The following PRR16 variants were observed in gnomAD, a reference collection of about 807,000 sequenced individuals.
The protein encoded by PRR16 is proline rich 16.
In PRR16, 6 loss-of-function variants were observed where a neutral mutation model predicts 18.2. The ratio of observed to expected loss-of-function variants is 0.33; its 90% CI spans 0.18 to 0.65. PRR16 has a LOEUF of 0.65. Ranked by LOEUF, PRR16 falls within the 30% of genes least tolerant of loss-of-function variation. PRR16 has a pLI of 0.74. For synonymous variants in PRR16, 151 were observed against 147.8 expected, an observed-to-expected ratio of 1.02 and a Z score of -0.16; for missense variants, 412 against 376.6, an observed-to-expected ratio of 1.09 and a Z score of -0.78.
chr5:120,486,247 C>G (rs955768490), intron 1 of PRR16, among the ~76,000 whole-genome samples: 1 of 152,190 alleles, frequency 6.6e-6, no homozygotes, highest in African/African-American at 2.4e-5. Context: ...AGTGGTTGAA[C>G]TAGTTTACAG....
chr5:120,725,260 T>C, the PRR16 span, among the ~76,000 whole-genome samples: 1 of 151,578 alleles, frequency 6.6e-6, no homozygotes, highest in African/African-American at 2.4e-5. Context: ...TTAAGTCTCA[T>C]ATTCAGGACT....
At chr5:120,562,209 C>G (rs1010127067) in intron 1 of PRR16, among the ~76,000 whole-genome samples, 1 of 152,016 alleles carries the variant, frequency 6.6e-6, no homozygotes, top group Non-Finnish European at 1.5e-5. Context: ...GTTGCTGGAT[C>G]AATCCCTTTA....
intron 1 of PRR16, among the ~76,000 whole-genome samples, chr5:120,489,476 C>T (rs1243321997): frequency 1.3e-5 from 2 of 152,142 alleles, no homozygotes; most frequent in African/African-American, 4.8e-5. Context: ...GATTGCAGCC[C>T]CTGCCTTTTT....
At chr5:120,495,325 C>T (rs899420388) in intron 1 of PRR16, among the ~76,000 whole-genome samples, 1 of 151,950 alleles carries the variant, frequency 6.6e-6, no homozygotes, top group African/African-American at 2.4e-5. Context: ...ATTGTAAATA[C>T]ATTAGTCTCT....
chr5:120,688,263 C>T (rs1266687493), downstream of PRR16, among the ~76,000 whole-genome samples: 12 of 152,070 alleles, frequency 7.9e-5, no homozygotes, highest in African/African-American at 2.9e-4. Context: ...TTTGAAGGAA[C>T]AATCAAATGA....
chr5:120,767,921 A>G, the PRR16 span, among the ~76,000 whole-genome samples: 1 of 151,860 alleles, frequency 6.6e-6, no homozygotes, highest in Admixed American at 6.6e-5. Flanking sequence ...TATCAATTAT[A>G]TCACAATAAA....
chr5:120,765,362 T>C, the PRR16 span, among the ~76,000 whole-genome samples: 4 of 152,012 alleles, frequency 2.6e-5, no homozygotes, highest in Admixed American at 2.6e-4. Flanking sequence ...CGTGTATAAA[T>C]AACAGTTGTT....
At chr5:120,668,827 G>A (rs1287862952) in intron 1 of PRR16, among the ~76,000 whole-genome samples, 1 of 152,152 alleles carries the variant, frequency 6.6e-6, no homozygotes, top group Non-Finnish European at 1.5e-5. Context: ...GAGATCAGCT[G>A]TTAGTCTGAT....
intron 1 of PRR16, among the ~76,000 whole-genome samples, chr5:120,631,142 A>G (rs898522916): frequency 6.6e-6 from 1 of 152,228 alleles, no homozygotes; most frequent in African/African-American, 2.4e-5. Flanking sequence ...TAAAATAGAG[A>G]CATCCTTATC....
chr5:120,726,693 T>TA, the PRR16 span, among the ~76,000 whole-genome samples: 1 of 152,134 alleles, frequency 6.6e-6, no homozygotes, highest in African/African-American at 2.4e-5. Context: ...CTTTTGGTTT[T>TA]ACTCATTTGG....
At chr5:120,526,566 G>A (rs1358704284) in intron 1 of PRR16, among the ~76,000 whole-genome samples, 1 of 151,974 alleles carries the variant, frequency 6.6e-6, no homozygotes, top group Non-Finnish European at 1.5e-5. Flanking sequence ...CCCTGGGTAC[G>A]GAACATAATT....
intron 1 of PRR16, among the ~76,000 whole-genome samples, chr5:120,557,573 C>G (rs997563790): frequency 2.0e-5 from 3 of 151,764 alleles, no homozygotes; most frequent in Admixed American, 6.6e-5. Flanking sequence ...ATAATTCACC[C>G]TGTCATTAGT....
chr5:120,622,317 A>G (rs1754717366), intron 1 of PRR16, among the ~76,000 whole-genome samples: 1 of 152,088 alleles, frequency 6.6e-6, no homozygotes, highest in African/African-American at 2.4e-5. Context: ...TTCTATCTTT[A>G]GAAACTTTAA....
At chr5:120,697,111 T>C in the PRR16 span, among the ~76,000 whole-genome samples, 1 of 152,216 alleles carries the variant, frequency 6.6e-6, no homozygotes, top group Non-Finnish European at 1.5e-5. Context: ...TTCTCTACTT[T>C]GAGTGACTTT....
intron 1 of PRR16, among the ~76,000 whole-genome samples, chr5:120,628,423 G>T (rs1399527013): frequency 6.6e-6 from 1 of 152,048 alleles, no homozygotes; most frequent in East Asian, 1.9e-4. Context: ...GCATATGTGG[G>T]ATAATGGATT....
intron 1 of PRR16, among the ~76,000 whole-genome samples, chr5:120,558,455 C>A (rs946139845): frequency 2.0e-5 from 3 of 151,916 alleles, no homozygotes; most frequent in African/African-American, 7.2e-5. Flanking sequence ...CCAGCTCCAT[C>A]CATGTTGTAG....
chr5:120,748,303 A>C, the PRR16 span, among the ~76,000 whole-genome samples: 4 of 152,144 alleles, frequency 2.6e-5, no homozygotes, highest in Non-Finnish European at 5.9e-5. Context: ...CTTTCAGACA[A>C]ATAGTAATTC....
the PRR16 span, among the ~76,000 whole-genome samples, chr5:120,739,901 A>G: frequency 1.3e-5 from 2 of 152,204 alleles, no homozygotes; most frequent in East Asian, 1.9e-4. Context: ...TTACTGAAAT[A>G]CTAAAACATA....
chr5:120,722,787 T>C, the PRR16 span, among the ~76,000 whole-genome samples: 1 of 151,802 alleles, frequency 6.6e-6, no homozygotes, highest in African/African-American at 2.4e-5. Flanking sequence ...ACTTAATCGT[T>C]CTTTCTCTAA....
Sources: allele counts gnomAD v4.1 joint callset (sites outside exome capture counted in the v4.1 genomes callset), GRCh38; gene constraint gnomAD v4.1.1; transcripts MANE v1.5; gene names NCBI Gene and HGNC (gene_info 2026-07-23, HGNC 2026-07-21).